Variants in DOCK1 observed in about 807,000 individuals in gnomAD.
The protein encoded by DOCK1 is dedicator of cytokinesis 1.
In DOCK1, 138 loss-of-function variants were observed where a neutral mutation model predicts 262.7. The ratio of observed to expected loss-of-function variants is 0.53; its 90% CI spans 0.46 to 0.61. DOCK1 has a LOEUF of 0.61. DOCK1 is among the 20% of genes least tolerant of loss of function. The pLI is 0.00. For missense variants in DOCK1, 1,908 were observed against 2,370.7 expected (o/e 0.80, Z 4.05); for synonymous variants, 866 against 867.4 (o/e 1.00, Z 0.03).
intron 19 of DOCK1, among the ~76,000 whole-genome samples, chr10:127,042,079 TAA>T (rs2044055678): frequency 1.3e-5 from 2 of 152,224 alleles, no homozygotes; most frequent in South Asian, 4.1e-4. Context: ...ACTGTAACTG[TAA>T]TTTCGACATT....
intron 29 of DOCK1, among the ~76,000 whole-genome samples, chr10:127,264,304 T>A (rs1473609339): frequency 2.0e-5 from 3 of 152,200 alleles, no homozygotes; most frequent in Non-Finnish European, 4.4e-5. Flanking sequence ...TAGTGTAGTT[T>A]GCAACTGTGA....
intron 29 of DOCK1, among the ~76,000 whole-genome samples, chr10:127,268,770 T>G (rs2060464601): frequency 6.6e-6 from 1 of 152,138 alleles, no homozygotes; most frequent in African/African-American, 2.4e-5. Flanking sequence ...AGGAGATTTT[T>G]GTGGGCTTTG....
chr10:127,254,765 G>A lies in DOCK1; in HGVS notation c.2950-2570G>A, dbSNP rs561270819. ...GCTGAGCAGAATGGAAATTTCCTAAGTCTAAGAGTGAAGATGCTTTGTCTT... is the reference window on the plus strand; with the variant it reads ...GCTGAGCAGAATGGAAATTTCCTAAATCTAAGAGTGAAGATGCTTTGTCTT... On this transcript the variant is annotated intron_variant, in intron 28 of 51. Transcript: ENST00000623213. Among the ~76,000 whole-genome samples the A allele has an allele frequency of 3.3e-5, 5 of 152,312 alleles. No homozygotes were observed. In the East Asian group the frequency reaches 9.6e-4, roughly 29 times the overall value.
In DOCK1 at chr10:127,032,185, T is replaced by A; in HGVS notation, c.1777T>A (p.Ser593Thr). ...EDAATYLSLP[S>T]TKAELEEKGH... Reference sequence around the variant, plus strand: ...TGCTGCCACGTACTTGAGTCTGCCCTCCACGAAGGCAGAGTTGGAAGAAAA... The same window carrying A: ...TGCTGCCACGTACTTGAGTCTGCCCACCACGAAGGCAGAGTTGGAAGAAAA... The change falls in exon 18 of 52, where the codon TCC becomes ACC. Residue 593 changes from serine to threonine, a missense_variant. Around this residue, in one of 9 missense-constraint regions of DOCK1, gnomAD observed 294 missense variants for 439.9 expected, o/e 0.67. Transcript: ENST00000623213. 6.3e-7 allele frequency: 1 copy of A among 1,598,954 alleles called. No individual in the cohort carries two copies. Among genetic ancestry groups the A allele is most frequent in the Non-Finnish European group, 8.5e-7 (1 of 1,172,628 alleles).
At chr10:126,951,736 C>T (rs1275858383) in intron 1 of DOCK1, among the ~76,000 whole-genome samples, 4 of 151,922 alleles carry the variant, frequency 2.6e-5, no homozygotes, top group African/African-American at 9.7e-5. Context: ...GGCAGAAGAC[C>T]TAAGGACTTC....
chr10:127,039,063 T>C (rs2043847202), intron 19 of DOCK1, among the ~76,000 whole-genome samples: 1 of 152,186 alleles, frequency 6.6e-6, no homozygotes, highest in Non-Finnish European at 1.5e-5. Context: ...AAAAACTAAT[T>C]ACTTAAAATG....
chr10:127,091,177 G>C (rs978134623), intron 23 of DOCK1, among the ~76,000 whole-genome samples: 2 of 152,146 alleles, frequency 1.3e-5, no homozygotes, highest in South Asian at 4.1e-4. Context: ...TAGAGACGGG[G>C]TTTCACCATG....
In DOCK1 at chr10:127,403,163, T is replaced by C. The variant is rs776257288; in HGVS notation, c.4017+19T>C. 1.2e-5 allele frequency: 19 copies of C among 1,583,656 alleles called. No individual in the cohort carries two copies. Among genetic ancestry groups the C allele is most frequent in the Non-Finnish European group, 9.4e-6 (11 of 1,164,180 alleles). The stretch of plus-strand genomic sequence containing the variant: ...ATTGCTGGTGAGTCTTTATTTCTTT[T>C]TATTTAAATGAACACAGGCAATCTC... On this transcript the variant is annotated intron_variant, in intron 39 of 51. Coordinates refer to ENST00000623213, the MANE Select transcript of DOCK1 (RefSeq NM_001290223.2).
At chr10:127,046,744 C>T (rs1236481800) in intron 21 of DOCK1, among the ~76,000 whole-genome samples, 2 of 121,728 alleles carry the variant, frequency 1.6e-5, no homozygotes, top group Non-Finnish European at 3.2e-5. Flanking sequence ...CTGGGCAGAG[C>T]GACACTACGT....
At chr10:127,022,461 G>A (rs1156817529) in intron 13 of DOCK1, among the ~76,000 whole-genome samples, 11 of 152,156 alleles carry the variant, frequency 7.2e-5, no homozygotes. Context: ...GTTTTGCTCT[G>A]TTGCTGAGGC....
chr10:126,921,740 C>T (rs1358957581), intron 1 of DOCK1, among the ~76,000 whole-genome samples: 1 of 152,110 alleles, frequency 6.6e-6, no homozygotes, highest in East Asian at 1.9e-4. Flanking sequence ...GCAGCCTCCA[C>T]CTCCTGGGTT....
intron 32 of DOCK1, among the ~76,000 whole-genome samples, chr10:127,356,349 G>A (rs375648500): frequency 2.8e-4 from 42 of 152,314 alleles, no homozygotes; most frequent in African/African-American, 8.2e-4. Context: ...TTTCTGGGCC[G>A]TTAGATAAAG....
rs532195301 is a variant in DOCK1 at position 127,146,512 on chromosome 10, T to A, written c.2847+18748T>A. Among the ~76,000 whole-genome samples, 13 of 152,308 alleles carry A rather than the reference T, an allele frequency of 8.5e-5. 1 individual carries two copies. In the South Asian group the frequency reaches 2.7e-3, roughly 32 times the overall value. ...AGAAGAATTTAGAGATCTGTCAGAA[T>A]CATTCTTTTTTCCTGACTTCATTAA... On this transcript the variant is annotated intron_variant, in intron 27 of 51. Coordinates refer to ENST00000623213, the MANE Select transcript of DOCK1 (RefSeq NM_001290223.2).
Position 127,280,035 on chromosome 10 carries a change from AT to A in DOCK1, c.3044+22623del, listed in dbSNP as rs869218185. ...ATATATATATATATATATATATATA[AT>A]TTTTTTTTTTTTTTTTGAGACGGAG... On this transcript the variant is annotated intron_variant, in intron 29 of 51. Transcript: ENST00000623213. 9.8e-3 allele frequency among the ~76,000 whole-genome samples: 586 copies of A among 59,696 alleles called. 5 individuals carry two copies. Among genetic ancestry groups the A allele is most frequent in the African/African-American group, 0.041 (549 of 13,338 alleles). The allele number at this position is 59,696 out of a possible 152,430, so 39.2% of individuals were successfully genotyped here. A position where few individuals can be genotyped will look rare whatever the true frequency, so the allele number is the denominator to read the frequency against.
intron 45 of DOCK1, 81 bp from the exon 46 acceptor site, chr10:127,419,585 C>T: frequency 1.5e-6 from 2 of 1,344,232 alleles, no homozygotes; most frequent in Non-Finnish European, 2.1e-6. Context: ...GCTCTATTCT[C>T]AGGGCCTGGC....
intron 27 of DOCK1, among the ~76,000 whole-genome samples, chr10:127,244,377 A>G (rs1247100582): frequency 6.6e-6 from 1 of 152,170 alleles, no homozygotes; most frequent in African/African-American, 2.4e-5. Context: ...GAAATTTTCT[A>G]TTTTGAATTA....
At chr10:127,427,503 C>T (rs1021623854) in intron 47 of DOCK1, among the ~76,000 whole-genome samples, 1 of 152,190 alleles carries the variant, frequency 6.6e-6, no homozygotes. Flanking sequence ...TAATCTGCCT[C>T]ACACTCTGTG....
intron 27 of DOCK1, among the ~76,000 whole-genome samples, chr10:127,183,173 A>G (rs1171013242): frequency 1.4e-5 from 2 of 147,642 alleles, no homozygotes; most frequent in Admixed American, 1.4e-4. Flanking sequence ...CCTAAAAATG[A>G]CTTATATCAA....
chr10:126,916,736 C>T lies in DOCK1; in HGVS notation c.46+11173C>T, dbSNP rs565518711. 2.0e-5 allele frequency among the ~76,000 whole-genome samples: 3 copies of T among 151,322 alleles called. No individual in the cohort carries two copies. In the East Asian group the frequency reaches 5.8e-4, roughly 29 times the overall value. On this transcript the variant is annotated intron_variant, in intron 1 of 51. Transcript: ENST00000623213. ...TTCTACCCCTCCTTTCCTTCCTTCC[C>T]TTCTTTCTTCCTTCCTTCCTGTTTG...
Sources: allele counts gnomAD v4.1 joint callset (sites outside exome capture counted in the v4.1 genomes callset), GRCh38; gene constraint gnomAD v4.1.1; regional missense constraint gnomAD v4.1.1; transcripts MANE v1.5; gene names NCBI Gene and HGNC (gene_info 2026-07-23, HGNC 2026-07-21).